Variants in GFRA1 observed in about 807,000 individuals in gnomAD.
The protein encoded by GFRA1 is GDNF family receptor alpha-1.
GFRA1 carries 16 observed loss-of-function variants against 51.6 expected under a neutral mutation model. The ratio of observed to expected loss-of-function variants is 0.31; its 90% CI spans 0.21 to 0.47. GFRA1 has a LOEUF of 0.47. GFRA1 is among the 20% of genes least tolerant of loss of function. The pLI is 1.00. For synonymous variants in GFRA1, 270 were observed against 241.3 expected, an observed-to-expected ratio of 1.12 and a Z score of -1.10; for missense variants, 530 against 594.3, an observed-to-expected ratio of 0.89 and a Z score of 1.13.
intron 4 of GFRA1, among the ~76,000 whole-genome samples, chr10:116,257,693 G>A (rs1271110419): frequency 6.6e-6 from 1 of 152,210 alleles, no homozygotes; most frequent in Non-Finnish European, 1.5e-5. Flanking sequence ...TGAACTGTCT[G>A]AAATTGTTGC....
Position 116,272,166 on chromosome 10 carries a change from T to A in GFRA1, c.-137A>T, listed in dbSNP as rs1381316901. The A allele has an allele frequency of 1.1e-5, 9 of 789,124 alleles. No individual in the cohort carries two copies. The highest frequency in any genetic ancestry group is 7.1e-4 in the Middle Eastern group (2 of 2,814). The allele number at this position is 789,124 out of a possible 1,614,324, so 48.9% of individuals were successfully genotyped here. The stretch of plus-strand genomic sequence containing the variant: ...CCGCCCAAAGTTCAGCTCCATCCAG[T>A]GAAAGAGGAAACTCCGGGTCTGGCA... On this transcript the variant is annotated 5_prime_UTR_variant, in exon 2 of 11. Transcript: ENST00000355422. The surrounding 1 kb of genome is among the most constrained non-coding windows in gnomAD (Gnocchi z 4.4).
At chr10:116,261,276 T>A (rs12416567) in intron 4 of GFRA1, among the ~76,000 whole-genome samples, 20,892 of 152,198 alleles carry the variant, frequency 0.14, 1,706 homozygotes, top group East Asian at 0.28. Flanking sequence ...AGACAATTTA[T>A]GTTGCATTGT....
intron 5 of GFRA1, among the ~76,000 whole-genome samples, chr10:116,133,928 C>T (rs948887370): frequency 6.6e-6 from 1 of 152,230 alleles, no homozygotes; most frequent in Admixed American, 6.5e-5. Flanking sequence ...AATCCTCACA[C>T]TGTCCCAAGT....
intron 4 of GFRA1, among the ~76,000 whole-genome samples, chr10:116,263,928 T>C (rs1969470057): frequency 6.6e-6 from 1 of 152,140 alleles, no homozygotes; most frequent in Non-Finnish European, 1.5e-5. Flanking sequence ...CAGCTTATAG[T>C]GCAGACCACT....
intron 5 of GFRA1, among the ~76,000 whole-genome samples, chr10:116,185,943 G>C (rs1191009212): frequency 6.6e-6 from 1 of 152,188 alleles, no homozygotes; most frequent in Admixed American, 6.5e-5. Flanking sequence ...TCCAGACATG[G>C]AGTCTGGTAT....
intron 5 of GFRA1, among the ~76,000 whole-genome samples, chr10:116,172,167 G>T (rs1268206729): frequency 6.6e-6 from 1 of 152,170 alleles, no homozygotes; most frequent in African/African-American, 2.4e-5. Flanking sequence ...AGGACGAGCA[G>T]GAGCCAGGAT....
In GFRA1 at chr10:116,062,369, A is replaced by C. The variant is rs1954858435; in HGVS notation, c.*2029T>G. 1.4e-5 allele frequency: 5 copies of C among 369,960 alleles called. No homozygotes were observed. The highest frequency in any genetic ancestry group is 2.4e-5 in the Non-Finnish European group (5 of 208,796). 22.9% of individuals were successfully genotyped at this position (369,960 alleles called of 1,614,324 possible). A position where few individuals can be genotyped will look rare whatever the true frequency, so the allele number is the denominator to read the frequency against. ...TTATTCAAAGTAAGAGTCTTTATAG[A>C]TCTTTTCACTAATTAAATACAGTTG... On this transcript the variant is annotated 3_prime_UTR_variant, in exon 11 of 11. Coordinates refer to ENST00000355422, the MANE Select transcript of GFRA1 (RefSeq NM_005264.8).
chr10:116,157,472 C>A (rs1959263770), intron 5 of GFRA1, among the ~76,000 whole-genome samples: 1 of 152,220 alleles, frequency 6.6e-6, no homozygotes, highest in Non-Finnish European at 1.5e-5. Context: ...CACCACAATG[C>A]CCATGAATCT....
At chr10:116,189,028 G>T (rs2134312731) in intron 5 of GFRA1, among the ~76,000 whole-genome samples, 1 of 151,478 alleles carries the variant, frequency 6.6e-6, no homozygotes, top group Non-Finnish European at 1.5e-5. Flanking sequence ...GCTGGGGCAG[G>T]AGGATTGCTT....
chr10:116,236,759 C>T (rs1966896670), intron 4 of GFRA1, among the ~76,000 whole-genome samples: 1 of 152,300 alleles, frequency 6.6e-6, no homozygotes, highest in Admixed American at 6.5e-5. Context: ...TGGGGTACAA[C>T]CTCATCTGGG....
chr10:116,095,361 T>C (rs1344730638), intron 7 of GFRA1, among the ~76,000 whole-genome samples: 1 of 152,250 alleles, frequency 6.6e-6, no homozygotes, highest in Non-Finnish European at 1.5e-5. Flanking sequence ...CAACATTTTC[T>C]TCTGTGGGCT....
Position 116,256,353 on chromosome 10 carries a change from T to C in GFRA1, c.418+13150A>G, listed in dbSNP as rs190049725. ...CCCTCCCCGTTGCCAGCCCTATCTC[T>C]GGGATGAATACAGAGGGTCCACCCG... On this transcript the variant is annotated intron_variant, in intron 4 of 10. Coordinates refer to ENST00000355422, the MANE Select transcript of GFRA1 (RefSeq NM_005264.8). Among the ~76,000 whole-genome samples the C allele has an allele frequency of 2.6e-3, 399 of 152,280 alleles. 6 individuals carry two copies. Among genetic ancestry groups the C allele is most frequent in the African/African-American group, 9.1e-3 (380 of 41,546 alleles).
chr10:116,220,282 T>G (rs1421055418), intron 4 of GFRA1, among the ~76,000 whole-genome samples: 1 of 152,152 alleles, frequency 6.6e-6, no homozygotes, highest in East Asian at 1.9e-4. Flanking sequence ...CAAGTTTTAA[T>G]CCCCCAACGC....
At chr10:116,178,004 T>C (rs966831695) in intron 5 of GFRA1, among the ~76,000 whole-genome samples, 3 of 152,020 alleles carry the variant, frequency 2.0e-5, no homozygotes, top group African/African-American at 7.3e-5. Flanking sequence ...AGTTACTCCT[T>C]CAGTTGCATT....
chr10:116,159,583 A>G (rs1044274978), intron 5 of GFRA1, among the ~76,000 whole-genome samples: 1 of 152,174 alleles, frequency 6.6e-6, no homozygotes, highest in African/African-American at 2.4e-5. Flanking sequence ...TGTAAGGTTC[A>G]GTGTTTCCTG....
intron 4 of GFRA1, among the ~76,000 whole-genome samples, chr10:116,249,974 T>C (rs80171495): frequency 0.011 from 1,700 of 152,308 alleles, 16 homozygotes; most frequent in Middle Eastern, 0.031. Flanking sequence ...GTCTCCTTTT[T>C]ATGGAAGACC....
chr10:116,064,774 C>CT (rs1256707040), intron 10 of GFRA1, among the ~76,000 whole-genome samples: 5 of 152,160 alleles, frequency 3.3e-5, no homozygotes, highest in Admixed American at 3.3e-4. Flanking sequence ...ATGCTTACTG[C>CT]TTGCTCTTCC....
At chr10:116,140,076 T>C (rs1395745241) in intron 5 of GFRA1, among the ~76,000 whole-genome samples, 1 of 152,130 alleles carries the variant, frequency 6.6e-6, no homozygotes, top group East Asian at 1.9e-4. Context: ...TCCCGTGGCA[T>C]TAGCTAATGA....
chr10:116,098,436 CG>C (rs1447589719), intron 6 of GFRA1, among the ~76,000 whole-genome samples: 1 of 152,196 alleles, frequency 6.6e-6, no homozygotes, highest in Non-Finnish European at 1.5e-5. Context: ...AAAGATGGCT[CG>C]GGCTTACTCA....
Sources: allele counts gnomAD v4.1 joint callset (sites outside exome capture counted in the v4.1 genomes callset), GRCh38; gene constraint gnomAD v4.1.1; non-coding constraint Gnocchi (gnomAD v3.1); transcripts MANE v1.5; gene names NCBI Gene and HGNC (gene_info 2026-07-23, HGNC 2026-07-21).